The following GPATCH2 variants were observed in gnomAD, a reference collection of about 807,000 sequenced individuals.
GPATCH2 encodes G patch domain-containing protein 2.
In GPATCH2, 51 loss-of-function variants were observed where a neutral mutation model predicts 58.0. The observed-to-expected ratio is 0.88, with a 90% CI of 0.70 to 1.11. The LOEUF (loss-of-function observed/expected upper bound fraction) is 1.11, where lower values mean the gene tolerates loss of function less well. GPATCH2 is among the 50% of genes most tolerant of loss of function. The probability of loss-of-function intolerance (pLI) is 0.00; values close to 1 mark genes in which losing one functional copy is unlikely to be tolerated. For missense variants in GPATCH2, 625 were observed against 652.2 expected, an observed-to-expected ratio of 0.96 and a Z score of 0.45; for synonymous variants, 222 against 218.5, an observed-to-expected ratio of 1.02 and a Z score of -0.14.
intron 8 of GPATCH2, among the ~76,000 whole-genome samples, chr1:217,458,071 CACA>C (rs1660030981): frequency 6.6e-6 from 1 of 152,084 alleles, no homozygotes. Context: ...ACTAAAAACA[CACA>C]AAAAAATTAG....
intron 5 of GPATCH2, chr1:217,608,108 A>C (rs1668447456): frequency 5.3e-6 from 1 of 187,988 alleles, no homozygotes; most frequent in South Asian, 1.8e-4. Flanking sequence ...ACATAATATA[A>C]ACAGCATAAG....
chr1:217,508,453 C>A (rs577436709), intron 6 of GPATCH2, among the ~76,000 whole-genome samples: 1 of 152,146 alleles, frequency 6.6e-6, no homozygotes, highest in East Asian at 1.9e-4. Context: ...AGGTAAATAT[C>A]CTCTACTTCA....
intron 5 of GPATCH2, among the ~76,000 whole-genome samples, chr1:217,531,848 C>CAT (rs1193030087): frequency 1.3e-5 from 2 of 152,144 alleles, no homozygotes; most frequent in Non-Finnish European, 2.9e-5. Flanking sequence ...CAGGATATAT[C>CAT]ATATGTGCTT....
At chr1:217,460,098 G>A (rs776286081) in intron 8 of GPATCH2, among the ~76,000 whole-genome samples, 9 of 152,076 alleles carry the variant, frequency 5.9e-5, no homozygotes, top group Non-Finnish European at 1.0e-4. Context: ...GGCTCACTGA[G>A]TTTTAACTAT....
At chr1:217,461,350 G>T (rs1660189866) in intron 8 of GPATCH2, among the ~76,000 whole-genome samples, 1 of 152,112 alleles carries the variant, frequency 6.6e-6, no homozygotes, top group Admixed American at 6.6e-5. Flanking sequence ...CCCATTGCCA[G>T]AAATAATCTC....
intron 8 of GPATCH2, among the ~76,000 whole-genome samples, chr1:217,479,654 C>A (rs1661129111): frequency 6.6e-6 from 1 of 152,054 alleles, no homozygotes; most frequent in African/African-American, 2.4e-5. Flanking sequence ...GGAGTAAGTC[C>A]TTACTTATCA....
Position 217,453,709 on chromosome 1 carries a change from AC to A in GPATCH2, c.1278-4373del, listed in dbSNP as rs565775645. ...AACAAAAAACAGAAACAAAAACTCTACTGAGAACCACCTTGCCTGAAAACCT... is the reference window on the plus strand; with the variant it reads ...AACAAAAAACAGAAACAAAAACTCTATGAGAACCACCTTGCCTGAAAACCT... On this transcript the variant is annotated intron_variant, in intron 8 of 9. Coordinates refer to ENST00000366935, the MANE Select transcript of GPATCH2 (RefSeq NM_018040.5). 1.4e-3 allele frequency among the ~76,000 whole-genome samples: 220 copies of A among 152,296 alleles called. 1 individual carries two copies. Among genetic ancestry groups the A allele is most frequent in the African/African-American group, 4.9e-3 (202 of 41,560 alleles).
chr1:217,586,281 A>G (rs75959064), intron 5 of GPATCH2, among the ~76,000 whole-genome samples: 2,160 of 152,302 alleles, frequency 0.014, 48 homozygotes, highest in African/African-American at 0.049. Context: ...AATAACACTT[A>G]GCTTAAAACA....
chr1:217,461,286 G>A (rs1419564792), intron 8 of GPATCH2, among the ~76,000 whole-genome samples: 1 of 152,048 alleles, frequency 6.6e-6, no homozygotes, highest in Non-Finnish European at 1.5e-5. Flanking sequence ...GAATTCAATT[G>A]GAAACCTATG....
At chr1:217,528,907 G>C (rs1348367529) in intron 5 of GPATCH2, among the ~76,000 whole-genome samples, 1 of 152,168 alleles carries the variant, frequency 6.6e-6, no homozygotes, top group Non-Finnish European at 1.5e-5. Flanking sequence ...GCTGGAATCT[G>C]TGGGCTTCAG....
At chr1:217,533,960 A>C (rs940362404) in intron 5 of GPATCH2, among the ~76,000 whole-genome samples, 1 of 152,188 alleles carries the variant, frequency 6.6e-6, no homozygotes, top group Admixed American at 6.5e-5. Context: ...TGACACCTGT[A>C]ATACCAGCAC....
At chr1:217,601,877 G>A (rs372046538) in intron 5 of GPATCH2, among the ~76,000 whole-genome samples, 4 of 151,984 alleles carry the variant, frequency 2.6e-5, no homozygotes, top group South Asian at 2.1e-4. Context: ...TCAAGAGATC[G>A]TATCTAACTT....
At chr1:217,584,021 T>C (rs941853418) in intron 5 of GPATCH2, among the ~76,000 whole-genome samples, 3 of 151,776 alleles carry the variant, frequency 2.0e-5, no homozygotes, top group Admixed American at 2.0e-4. Flanking sequence ...CTAAGCATAA[T>C]GGAAGAAAAA....
At chr1:217,545,088 C>T (rs964806502) in intron 5 of GPATCH2, among the ~76,000 whole-genome samples, 1 of 152,184 alleles carries the variant, frequency 6.6e-6, no homozygotes, top group Non-Finnish European at 1.5e-5. Flanking sequence ...TAAAACCAAC[C>T]AAAACTCTGA....
At chr1:217,463,544 C>A (rs879888361) in intron 8 of GPATCH2, among the ~76,000 whole-genome samples, 4 of 147,038 alleles carry the variant, frequency 2.7e-5, no homozygotes, top group Non-Finnish European at 5.9e-5. Context: ...ATGATTTATG[C>A]CTGTAATCCC....
chr1:217,557,817 A>G (rs1420074766), intron 5 of GPATCH2, among the ~76,000 whole-genome samples: 1 of 152,166 alleles, frequency 6.6e-6, no homozygotes, highest in Non-Finnish European at 1.5e-5. Flanking sequence ...CTGCCCATTA[A>G]TGTATCTTTC....
At chr1:217,597,542 A>AT (rs1413316503) in intron 5 of GPATCH2, among the ~76,000 whole-genome samples, 2 of 152,086 alleles carry the variant, frequency 1.3e-5, no homozygotes, top group Non-Finnish European at 2.9e-5. Flanking sequence ...TGGATAGTCT[A>AT]TTTTTTAAAA....
intron 5 of GPATCH2, among the ~76,000 whole-genome samples, chr1:217,581,953 G>A (rs1667103693): frequency 6.6e-6 from 1 of 152,052 alleles, no homozygotes; most frequent in African/African-American, 2.4e-5. Context: ...TCCGTCTGGG[G>A]GGAAGAAAAG....
chr1:217,534,964 AG>A (rs1342846394), intron 5 of GPATCH2, among the ~76,000 whole-genome samples: 1 of 152,236 alleles, frequency 6.6e-6, no homozygotes, highest in Non-Finnish European at 1.5e-5. Flanking sequence ...CTTGCCTTAT[AG>A]GTAAAAGGTC....
Sources: allele counts gnomAD v4.1 joint callset (sites outside exome capture counted in the v4.1 genomes callset), GRCh38; gene constraint gnomAD v4.1.1; transcripts MANE v1.5; gene names NCBI Gene and HGNC (gene_info 2026-07-23, HGNC 2026-07-21).